ATXN1: variants seen among roughly 807,000 people sequenced by gnomAD.
ATXN1 encodes the protein ataxin-1.
A neutral mutation model predicts 56.4 loss-of-function variants in ATXN1; 8 were observed. That is an observed-to-expected ratio of 0.14 (90% CI 0.08 to 0.26). The LOEUF is 0.26. ATXN1 is among the 10% of genes least tolerant of loss of function. The probability of loss-of-function intolerance (pLI) is 1.00; values close to 1 mark genes in which losing one functional copy is unlikely to be tolerated. For missense variants in ATXN1, 987 were observed against 1,106.5 expected (o/e 0.89, Z 1.53); for synonymous variants, 514 against 494.6 (o/e 1.04, Z -0.52).
chr6:16,530,847 C>T (rs1761489916), intron 4 of ATXN1, among the ~76,000 whole-genome samples: 1 of 152,026 alleles, frequency 6.6e-6, no homozygotes, highest in Non-Finnish European at 1.5e-5. Context: ...GGTGGGTATG[C>T]GTGTGTGTGT....
At chr6:16,497,556 T>G (rs1760803443) in intron 5 of ATXN1, among the ~76,000 whole-genome samples, 1 of 152,234 alleles carries the variant, frequency 6.6e-6, no homozygotes, top group Non-Finnish European at 1.5e-5. Context: ...TCGTGTGACT[T>G]TCACTCTCCT....
At chr6:16,440,283 T>C (rs1759487729) in intron 6 of ATXN1, among the ~76,000 whole-genome samples, 1 of 146,514 alleles carries the variant, frequency 6.8e-6, no homozygotes. Flanking sequence ...CCAAAACAGA[T>C]GAAAACTTTG....
intron 5 of ATXN1, among the ~76,000 whole-genome samples, chr6:16,491,279 T>TA (rs58862118): frequency 0.7 from 74,518 of 107,058 alleles, 24,790 homozygotes; most frequent in Non-Finnish European, 0.73. Flanking sequence ...TTATTATTAT[T>TA]TTTTTTTTTT....
rs562637683 is a variant in ATXN1, at chr6:16,405,447, C to T, written c.-160-76977G>A. Among the ~76,000 whole-genome samples the T allele has an allele frequency of 2.6e-5, 4 of 152,338 alleles. No individual in the cohort carries two copies. The South Asian group carries it at 8.3e-4, about 32-fold the overall frequency. Reference sequence around the variant, plus strand: ...TTTGACATTGCTTCCCCCAAGTCCACTGTGATGTCATGCACCTTGTGGATG... The same window carrying T: ...TTTGACATTGCTTCCCCCAAGTCCATTGTGATGTCATGCACCTTGTGGATG... On this transcript the variant is annotated intron_variant, in intron 6 of 7. Transcript: ENST00000436367.
rs35291830 is a variant in ATXN1 at position 16,308,322 on chromosome 6, TCACACACACACACACACACA to T, written c.1918-1483_1918-1464del. On this transcript the variant is annotated intron_variant, in intron 7 of 7. Transcript: ENST00000436367. ...GCCTGGGCGACAGAGTGAAACTCCG[TCACACACACACACACACACA>T]CACACACACACACACACACACACAC... Among the ~76,000 whole-genome samples the T allele has an allele frequency of 5.6e-4, 74 of 132,730 alleles. 1 individual carries two copies. Among genetic ancestry groups the T allele is most frequent in the South Asian group, 3.1e-3 (12 of 3,874 alleles). 87.1% of individuals were successfully genotyped at this position (132,730 alleles called of 152,430 possible).
chr6:16,520,046 G>A (rs952915648), intron 5 of ATXN1, among the ~76,000 whole-genome samples: 6 of 152,182 alleles, frequency 3.9e-5, no homozygotes, highest in Non-Finnish European at 8.8e-5. Flanking sequence ...CAGTCACGTT[G>A]CTATGGAACC....
chr6:16,750,496 C>T lies in ATXN1; in HGVS notation c.-615+2737G>A, dbSNP rs144893413. On this transcript the variant is annotated intron_variant, in intron 2 of 7. Coordinates refer to ENST00000436367, the MANE Select transcript of ATXN1 (RefSeq NM_001128164.2). ...TACTATTTTTCTGCCTACGTTGAGC[C>T]GTCAATCGTGAGGACTGTAATGAGG... 1.1e-4 allele frequency among the ~76,000 whole-genome samples: 17 copies of T among 152,212 alleles called. No individual in the cohort carries two copies. In the East Asian group the frequency reaches 3.3e-3, roughly 29 times the overall value.
At chr6:16,624,412 T>C (rs577978432) in intron 3 of ATXN1, among the ~76,000 whole-genome samples, 2 of 150,452 alleles carry the variant, frequency 1.3e-5, no homozygotes, top group Non-Finnish European at 2.9e-5. Flanking sequence ...TGTACAACAA[T>C]GTGAATTCAG....
intron 3 of ATXN1, among the ~76,000 whole-genome samples, chr6:16,623,181 T>C (rs1456953933): frequency 2.0e-5 from 3 of 152,214 alleles, no homozygotes; most frequent in East Asian, 1.9e-4. Context: ...AGAGCCTCCA[T>C]GTCTCGTGGT....
chr6:16,572,604 C>T (rs1762352364), intron 4 of ATXN1, among the ~76,000 whole-genome samples: 2 of 152,068 alleles, frequency 1.3e-5, no homozygotes, highest in South Asian at 4.1e-4. Flanking sequence ...GTGATGAAAA[C>T]AAGGGTATAA....
At chr6:16,577,761 T>C (rs1288231691) in intron 4 of ATXN1, among the ~76,000 whole-genome samples, 1 of 149,666 alleles carries the variant, frequency 6.7e-6, no homozygotes, top group Non-Finnish European at 1.5e-5. Context: ...ATGTGATTAC[T>C]GTCTCTGAGA....
At chr6:16,398,630 T>G (rs1360412708) in intron 6 of ATXN1, among the ~76,000 whole-genome samples, 1 of 152,180 alleles carries the variant, frequency 6.6e-6, no homozygotes, top group Non-Finnish European at 1.5e-5. Context: ...GTGTCTAGTT[T>G]GTTTTTCGCC....
chr6:16,506,631 A>G lies in ATXN1; in HGVS notation c.-299+15996T>C, dbSNP rs1760985971. On this transcript the variant is annotated intron_variant, in intron 5 of 7. Coordinates refer to ENST00000436367, the MANE Select transcript of ATXN1 (RefSeq NM_001128164.2). This position sits in a 1 kb window ranked among gnomAD's most constrained non-coding sequence, Gnocchi z 4.1. Reference sequence around the variant, plus strand: ...GAAGTGTTAGGAGAATTGATGAGTTAATGTTGGTAAATCACTCTGCAATTC... The same window carrying G: ...GAAGTGTTAGGAGAATTGATGAGTTGATGTTGGTAAATCACTCTGCAATTC... Among the ~76,000 whole-genome samples, 1 of 152,172 alleles carries G rather than the reference A, an allele frequency of 6.6e-6. No individual in the cohort carries two copies. The highest frequency in any genetic ancestry group is 1.5e-5 in the Non-Finnish European group (1 of 68,032).
At chr6:16,592,523 G>A (rs555913429) in intron 3 of ATXN1, among the ~76,000 whole-genome samples, 2 of 152,196 alleles carry the variant, frequency 1.3e-5, no homozygotes, top group South Asian at 4.1e-4. Flanking sequence ...AGTCACTGTT[G>A]GGACAATGAA....
intron 7 of ATXN1, among the ~76,000 whole-genome samples, chr6:16,321,459 C>T (rs1258174337): frequency 6.6e-6 from 1 of 152,200 alleles, no homozygotes; most frequent in East Asian, 1.9e-4. Context: ...TCCTTTGGTG[C>T]ACGCAGTAAC....
intron 6 of ATXN1, among the ~76,000 whole-genome samples, chr6:16,406,635 T>G (rs543325134): frequency 6.6e-6 from 1 of 152,354 alleles, no homozygotes; most frequent in South Asian, 2.1e-4. Flanking sequence ...TGTTCTTAGC[T>G]CCCACAATTT....
At position 16,601,921 on chromosome 6, in the gene ATXN1, G is replaced by A. The variant is rs77430100; in HGVS notation, c.-488-16014C>T. Among the ~76,000 whole-genome samples the A allele has an allele frequency of 4.0e-4, 61 of 152,156 alleles. No homozygotes were observed. In the East Asian group the frequency reaches 4.5e-3, roughly 11 times the overall value. On this transcript the variant is annotated intron_variant, in intron 3 of 7. Coordinates refer to ENST00000436367, the MANE Select transcript of ATXN1 (RefSeq NM_001128164.2). ...TACAAGTAGAAGATTTTGTGCAAGC[G>A]TATTTTGTGCAAGCGTAATCTATTT...
intron 5 of ATXN1, among the ~76,000 whole-genome samples, chr6:16,487,338 A>C (rs927921445): frequency 6.6e-6 from 1 of 152,210 alleles, no homozygotes; most frequent in Non-Finnish European, 1.5e-5. Context: ...AGGAAAAAAA[A>C]CAAAAAAGAG....
chr6:16,361,904 C>T (rs905235108), intron 6 of ATXN1, among the ~76,000 whole-genome samples: 29 of 152,328 alleles, frequency 1.9e-4, no homozygotes, highest in Admixed American at 1.5e-3. Context: ...CTTCTTGAGG[C>T]TGTGGGCATG....
Sources: gnomAD v4.1 joint callset for allele counts (sites outside exome capture counted in the v4.1 genomes callset) on GRCh38, gnomAD v4.1.1 for gene constraint, Gnocchi (gnomAD v3.1) non-coding constraint, MANE v1.5 for transcripts, NCBI Gene and HGNC (gene_info 2026-07-23, HGNC 2026-07-21) for gene names.